TCF4: variants seen among roughly 807,000 people sequenced by gnomAD.
TCF4 encodes transcription factor 4, also known as SL3-3 enhancer factor 2.
A neutral mutation model predicts 82.1 loss-of-function variants in TCF4; 3 were observed. The ratio of observed to expected loss-of-function variants is 0.04; its 90% confidence interval spans 0.02 to 0.09. The LOEUF is 0.09. Among genes scored for constraint, TCF4 ranks in the 10% least tolerant of loss-of-function variants. The pLI is 1.00. For missense variants in TCF4, 518 were observed against 852.7 expected, an observed-to-expected ratio of 0.61 and a Z score of 4.89; for synonymous variants, 276 against 309.6, an observed-to-expected ratio of 0.89 and a Z score of 1.14.
chr18:55,279,106 C>T (rs1465393494), intron 9 of TCF4, among the ~76,000 whole-genome samples: 3 of 152,176 alleles, frequency 2.0e-5, no homozygotes, highest in Non-Finnish European at 4.4e-5. Context: ...GACCCTTGTT[C>T]TTACCTACAA....
intron 10 of TCF4, among the ~76,000 whole-genome samples, chr18:55,270,265 G>A (rs1433354268): frequency 6.6e-6 from 1 of 151,904 alleles, no homozygotes; most frequent in Non-Finnish European, 1.5e-5. Flanking sequence ...CCAGGGTTTC[G>A]GCAACATAAA....
chr18:55,437,936 C>G (rs1027290785), intron 5 of TCF4, among the ~76,000 whole-genome samples: 1 of 152,194 alleles, frequency 6.6e-6, no homozygotes, highest in African/African-American at 2.4e-5. Flanking sequence ...CACAGCGGCT[C>G]ACGCCTCTAA....
chr18:55,466,332 CA>C (rs1031814901), intron 3 of TCF4, among the ~76,000 whole-genome samples: 1 of 152,056 alleles, frequency 6.6e-6, no homozygotes, highest in Non-Finnish European at 1.5e-5. Flanking sequence ...TCTGTCGCTA[CA>C]AAAATTTTTA....
intron 3 of TCF4, among the ~76,000 whole-genome samples, chr18:55,502,739 CAAGTT>C (rs1361101391): frequency 6.6e-6 from 1 of 152,056 alleles, no homozygotes; most frequent in African/African-American, 2.4e-5. Flanking sequence ...GATTTTCACA[CAAGTT>C]AAGGAAAGGA....
chr18:55,472,312 C>T (rs1456587799), intron 3 of TCF4, among the ~76,000 whole-genome samples: 1 of 152,190 alleles, frequency 6.6e-6, no homozygotes, highest in Non-Finnish European at 1.5e-5. Context: ...AGGTGGTAAA[C>T]AGTTACATTA....
chr18:55,381,608 G>A (rs1407173714), intron 6 of TCF4, among the ~76,000 whole-genome samples: 2 of 152,238 alleles, frequency 1.3e-5, no homozygotes, highest in Non-Finnish European at 2.9e-5. Flanking sequence ...GTAGTAGGCA[G>A]AAGACAAGTG....
At chr18:55,269,446 G>A (rs2059881226) in intron 11 of TCF4, 1 of 316,622 alleles carries the variant, frequency 3.2e-6, no homozygotes, top group African/African-American at 2.2e-5. Context: ...CTAGCACAAT[G>A]ACTGGAATTT....
intron 3 of TCF4, among the ~76,000 whole-genome samples, chr18:55,579,039 A>G (rs2097552895): frequency 6.6e-6 from 1 of 151,644 alleles, no homozygotes; most frequent in Non-Finnish European, 1.5e-5. Flanking sequence ...TAAACATGAC[A>G]ACCTTTTCAA....
At chr18:55,305,687 T>A (rs1301228469) in intron 8 of TCF4, among the ~76,000 whole-genome samples, 2 of 152,300 alleles carry the variant, frequency 1.3e-5, no homozygotes, top group African/African-American at 4.8e-5. Context: ...AGGTGGGTGA[T>A]CTTATTACCA....
At chr18:55,316,687 T>C (rs1400093555) in intron 8 of TCF4, among the ~76,000 whole-genome samples, 1 of 152,040 alleles carries the variant, frequency 6.6e-6, no homozygotes, top group African/African-American at 2.4e-5. Flanking sequence ...AGGAAACAAA[T>C]GATTCTTCAG....
At chr18:55,242,699 T>TC (rs2051670183) in intron 15 of TCF4, among the ~76,000 whole-genome samples, 1 of 151,432 alleles carries the variant, frequency 6.6e-6, no homozygotes, top group Admixed American at 6.6e-5. Context: ...AACCTCCGCC[T>TC]CCCGGGTTCA....
At position 55,394,854 on chromosome 18, in the gene TCF4, G is replaced by A. The variant is rs565362784; in HGVS notation, c.369+8600C>T. 1.6e-4 allele frequency among the ~76,000 whole-genome samples: 24 copies of A among 152,238 alleles called. 1 individual carries two copies. The highest frequency in any genetic ancestry group is 2.6e-4 in the African/African-American group (11 of 41,540). Reference sequence around the variant, plus strand: ...AAACCCACGTCAATATCCACAGAGCGCACACAATTTTTCAAAGAATGGGGT... The same window carrying A: ...AAACCCACGTCAATATCCACAGAGCACACACAATTTTTCAAAGAATGGGGT... On this transcript the variant is annotated intron_variant, in intron 6 of 19. Coordinates refer to ENST00000354452, the MANE Select transcript of TCF4 (RefSeq NM_001083962.2).
rs139859596 is a variant in TCF4, at chr18:55,275,702, G to C, written c.706C>G (p.Pro236Ala). 6.2e-7 allele frequency: 1 copy of C among 1,613,798 alleles called. No individual in the cohort carries two copies. The highest frequency in any genetic ancestry group is 8.5e-7 in the Non-Finnish European group (1 of 1,179,834). Residue 236 changes from proline to alanine, a missense_variant, in exon 10 of 20, where the codon CCT becomes GCT. This residue lies in a region of TCF4 where 211 missense variants were observed against 327.4 expected (regional missense o/e 0.64). Transcript: ENST00000354452. The stretch of plus-strand genomic sequence containing the variant: ...TTGCCCAACATTCCTGCATAGCCAG[G>C]CTGATTCATCCCACTGGAGGAGCTC... ...PWSSSSGMNQ[P>A]GYAGMLGNSS...
intron 3 of TCF4, among the ~76,000 whole-genome samples, chr18:55,563,081 A>C (rs1469473220): frequency 6.6e-6 from 1 of 151,942 alleles, no homozygotes; most frequent in Non-Finnish European, 1.5e-5. Flanking sequence ...CTTTACAATA[A>C]TACAAAAATC....
intron 3 of TCF4, among the ~76,000 whole-genome samples, chr18:55,532,000 A>G (rs1455032393): frequency 1.3e-5 from 2 of 152,244 alleles, no homozygotes; most frequent in Non-Finnish European, 1.5e-5. Context: ...CAAATGTACC[A>G]AATTTGTATT....
chr18:55,628,281 T>C (rs1456166849), intron 2 of TCF4, among the ~76,000 whole-genome samples: 4 of 152,146 alleles, frequency 2.6e-5, no homozygotes, highest in Admixed American at 2.0e-4. Context: ...TGTGTACATA[T>C]GGGAATTTGA....
At chr18:55,396,547 A>C (rs2093502526) in intron 6 of TCF4, among the ~76,000 whole-genome samples, 1 of 152,170 alleles carries the variant, frequency 6.6e-6, no homozygotes, top group African/African-American at 2.4e-5. Flanking sequence ...ACTGATGATC[A>C]ACCTTGTGAG....
intron 6 of TCF4, among the ~76,000 whole-genome samples, chr18:55,366,268 G>T (rs1435667510): frequency 6.6e-6 from 1 of 152,142 alleles, no homozygotes; most frequent in Admixed American, 6.5e-5. Flanking sequence ...TTTGAAAGCT[G>T]TACTTTGTGA....
At chr18:55,386,188 G>C (rs1192328012) in intron 6 of TCF4, among the ~76,000 whole-genome samples, 1 of 152,166 alleles carries the variant, frequency 6.6e-6, no homozygotes, top group Non-Finnish European at 1.5e-5. Context: ...CGGCTCCGCT[G>C]AATGACTACA....
Sources: gnomAD v4.1 joint callset for allele counts (sites outside exome capture counted in the v4.1 genomes callset) on GRCh38, gnomAD v4.1.1 for gene constraint, gnomAD v4.1.1 regional missense constraint, MANE v1.5 for transcripts, NCBI Gene and HGNC (gene_info 2026-07-23, HGNC 2026-07-21) for gene names.